SEC11A: variants seen among roughly 807,000 people sequenced by gnomAD.
SEC11A encodes the protein signal peptidase complex catalytic subunit SEC11A.
Under a neutral mutation model 25.6 loss-of-function variants are expected in SEC11A, and 14 were observed. The observed-to-expected ratio is 0.55, with a 90% CI of 0.36 to 0.85. The LOEUF (loss-of-function observed/expected upper bound fraction) is 0.85, where lower values mean the gene tolerates loss of function less well. Ranked by LOEUF, SEC11A falls within the 40% of genes least tolerant of loss-of-function variation. The probability of loss-of-function intolerance (pLI) is 0.01; values close to 1 mark genes in which losing one functional copy is unlikely to be tolerated. For synonymous variants in SEC11A, 83 were observed against 76.4 expected, an observed-to-expected ratio of 1.09 and a Z score of -0.45; for missense variants, 153 against 222.9, an observed-to-expected ratio of 0.69 and a Z score of 2.00.
intron 1 of SEC11A, among the ~76,000 whole-genome samples, chr15:84,703,742 G>C (rs1401054813): frequency 6.6e-6 from 1 of 152,134 alleles, no homozygotes; most frequent in Non-Finnish European, 1.5e-5. Context: ...GACTTGGAGG[G>C]GACATCACTG....
chr15:84,676,545 G>A (rs532847576), intron 4 of SEC11A, among the ~76,000 whole-genome samples: 5 of 151,760 alleles, frequency 3.3e-5, no homozygotes, highest in South Asian at 2.1e-4. Flanking sequence ...AGGCCGAGGC[G>A]GGCAGATCAC....
chr15:84,683,369 A>T (rs777391026), intron 3 of SEC11A, among the ~76,000 whole-genome samples: 7 of 150,828 alleles, frequency 4.6e-5, no homozygotes. Flanking sequence ...ATTACCAAAG[A>T]CTTGATTTGC....
chr15:84,715,260 C>T (rs1898423139), intron 1 of SEC11A, among the ~76,000 whole-genome samples: 1 of 152,130 alleles, frequency 6.6e-6, no homozygotes, highest in South Asian at 2.1e-4. Context: ...TACAGACACA[C>T]TAGGCGCAAA....
At chr15:84,712,229 G>A (rs887902975) in intron 1 of SEC11A, among the ~76,000 whole-genome samples, 6 of 134,016 alleles carry the variant, frequency 4.5e-5, no homozygotes, top group African/African-American at 1.9e-4. Context: ...GCAACAGAGA[G>A]AGACCTTGTC....
chr15:84,678,269 C>T (rs141379579), intron 4 of SEC11A, among the ~76,000 whole-genome samples: 14 of 152,132 alleles, frequency 9.2e-5, no homozygotes, highest in African/African-American at 3.4e-4. Flanking sequence ...TAAAGGAACA[C>T]TCAGTTGTAC....
At chr15:84,685,342 CA>C (rs1453052340) in intron 3 of SEC11A, among the ~76,000 whole-genome samples, 1 of 151,816 alleles carries the variant, frequency 6.6e-6, no homozygotes, top group Non-Finnish European at 1.5e-5. Context: ...ACTGCAGCCT[CA>C]ACCTCCTGGG....
chr15:84,703,719 C>A (rs1356158798), intron 1 of SEC11A, among the ~76,000 whole-genome samples: 3 of 152,164 alleles, frequency 2.0e-5, no homozygotes, highest in Non-Finnish European at 2.9e-5. Context: ...AGCAGTTTGG[C>A]TGGATGGACA....
chr15:84,715,483 G>GT (rs1297511742), intron 1 of SEC11A, among the ~76,000 whole-genome samples: 1 of 152,198 alleles, frequency 6.6e-6, no homozygotes, highest in African/African-American at 2.4e-5. Context: ...GGCAAGTAGT[G>GT]TAACTGTTCC....
In SEC11A at chr15:84,716,101, G is replaced by A. The variant is rs758986293; in HGVS notation, c.-26C>T. 11 of 1,611,834 alleles carry A rather than the reference G, an allele frequency of 6.8e-6. 1 individual carries two copies. The South Asian group carries it at 1.1e-4, about 16-fold the overall frequency. ...GGCGGGGACGGCGAGCAGGACACCG[G>A]CAGGGGAAAGGGCGCGATGACCAGC... On this transcript the variant is annotated 5_prime_UTR_variant, in exon 1 of 6. Coordinates refer to ENST00000268220, the MANE Select transcript of SEC11A (RefSeq NM_014300.4).
intron 4 of SEC11A, among the ~76,000 whole-genome samples, chr15:84,674,865 C>CT (rs1175871559): frequency 2.6e-5 from 4 of 152,024 alleles, no homozygotes; most frequent in African/African-American, 7.2e-5. Flanking sequence ...CAACCTGAAA[C>CT]TTTTTTTTAA....
At chr15:84,679,931 C>G in intron 4 of SEC11A, 2 of 1,528,520 alleles carry the variant, frequency 1.3e-6, no homozygotes, top group Non-Finnish European at 1.8e-6. Context: ...CAACAACTTA[C>G]AATTCCTGTC....
intron 3 of SEC11A, chr15:84,685,814 T>TG (rs1381347413): frequency 4.2e-3 from 537 of 127,858 alleles, no homozygotes; most frequent in African/African-American, 0.014. Flanking sequence ...TTTTTTTTTT[T>TG]TTTTTTGAGA....
chr15:84,688,968 T>C (rs190369791), intron 2 of SEC11A, among the ~76,000 whole-genome samples: 5 of 148,212 alleles, frequency 3.4e-5, no homozygotes, highest in African/African-American at 1.2e-4. Context: ...GAGGTGGAGG[T>C]TGAATGGGCT....
chr15:84,704,077 C>A (rs1175655587), intron 1 of SEC11A, among the ~76,000 whole-genome samples: 1 of 152,118 alleles, frequency 6.6e-6, no homozygotes, highest in Non-Finnish European at 1.5e-5. Context: ...CCGCAAAAAA[C>A]CAACACTGCC....
chr15:84,715,304 A>G (rs898498193), intron 1 of SEC11A, among the ~76,000 whole-genome samples: 1 of 152,248 alleles, frequency 6.6e-6, no homozygotes, highest in Admixed American at 6.5e-5. Flanking sequence ...TAAGGACTAA[A>G]TAATTACAAC....
At chr15:84,679,255 TG>T in intron 4 of SEC11A, 1 of 1,262,616 alleles carries the variant, frequency 7.9e-7, no homozygotes, top group Non-Finnish European at 1.0e-6. Flanking sequence ...CTGAGGAAGA[TG>T]GGGACTAGTA....
At chr15:84,711,724 C>T (rs1171590080) in intron 1 of SEC11A, among the ~76,000 whole-genome samples, 1 of 144,934 alleles carries the variant, frequency 6.9e-6, no homozygotes, top group East Asian at 2.0e-4. Context: ...TTGCGGTGAG[C>T]CGAGATCACG....
chr15:84,707,598 G>T (rs1410356101), intron 1 of SEC11A, among the ~76,000 whole-genome samples: 1 of 152,064 alleles, frequency 6.6e-6, no homozygotes, highest in Non-Finnish European at 1.5e-5. Context: ...TCCAGTTAAG[G>T]AGTAGACACC....
intron 4 of SEC11A, among the ~76,000 whole-genome samples, chr15:84,678,828 A>C (rs1897208893): frequency 6.6e-6 from 1 of 152,072 alleles, no homozygotes; most frequent in African/African-American, 2.4e-5. Context: ...CCCCATCTCT[A>C]CTAAAAATAC....
Sources: gnomAD v4.1 joint callset for allele counts (sites outside exome capture counted in the v4.1 genomes callset) on GRCh38, gnomAD v4.1.1 for gene constraint, MANE v1.5 for transcripts, NCBI Gene and HGNC (gene_info 2026-07-23, HGNC 2026-07-21) for gene names.